VPS53: variants seen among roughly 807,000 people sequenced by gnomAD.
The protein encoded by VPS53 is VPS53 subunit of GARP complex.
A neutral mutation model predicts 107.0 loss-of-function variants in VPS53; 70 were observed. That is an observed-to-expected ratio of 0.65 (90% CI 0.54 to 0.80). The LOEUF is 0.80. Ranked by LOEUF, VPS53 falls within the 30% of genes least tolerant of loss-of-function variation. VPS53 has a pLI of 0.00. For missense variants in VPS53, 917 were observed against 1,049.4 expected, an observed-to-expected ratio of 0.87 and a Z score of 1.74; for synonymous variants, 409 against 393.3, an observed-to-expected ratio of 1.04 and a Z score of -0.47.
At chr17:618,307 C>T (rs1226291862) in intron 11 of VPS53, among the ~76,000 whole-genome samples, 2 of 93,894 alleles carry the variant, frequency 2.1e-5, no homozygotes, top group Non-Finnish European at 5.0e-5. Context: ...TGCGCCACCA[C>T]GCCCCACTAA....
chr17:662,834 A>AAAGGAAGGAAGGAAGGAAGG lies in VPS53; in HGVS notation c.286-959_286-940dup, dbSNP rs796580340. Among the ~76,000 whole-genome samples, 127 of 121,158 alleles carry AAAGGAAGGAAGGAAGGAAGG rather than the reference A, an allele frequency of 1.0e-3. 2 individuals are homozygous for AAAGGAAGGAAGGAAGGAAGG. In the East Asian group the frequency reaches 0.017, roughly 16 times the overall value. 79.5% of individuals were successfully genotyped at this position (121,158 alleles called of 152,430 possible). ...AAAAGAAAGAAAGAGAAAGAGAAAG[A>AAAGGAAGGAAGGAAGGAAGG]AAGGAAGGAAGGAAGGAAGGAAGGA... On this transcript the variant is annotated intron_variant, in intron 4 of 21. Coordinates refer to ENST00000437048, the MANE Select transcript of VPS53 (RefSeq NM_001128159.3).
chr17:606,259 T>G (rs1968573623), intron 11 of VPS53, among the ~76,000 whole-genome samples: 1 of 152,082 alleles, frequency 6.6e-6, no homozygotes, highest in Admixed American at 6.5e-5. Flanking sequence ...ATGTTGCCCT[T>G]AACTGAGATG....
intron 11 of VPS53, among the ~76,000 whole-genome samples, chr17:620,545 T>C (rs1409228960): frequency 6.6e-6 from 1 of 152,170 alleles, no homozygotes. Flanking sequence ...AAGTTTCAAA[T>C]GAGCACAGCG....
chr17:562,502 C>T lies in VPS53; in HGVS notation c.1556+1G>A. Reference sequence around the variant, plus strand: ...CTCAGACTATGAAGAACAGGACTCACTTGGGCAGGTTGCCAGAGAGGATTT... The same window carrying T: ...CTCAGACTATGAAGAACAGGACTCATTTGGGCAGGTTGCCAGAGAGGATTT... On this transcript the variant is annotated splice_donor_variant, in intron 14 of 21. Coordinates refer to ENST00000437048, the MANE Select transcript of VPS53 (RefSeq NM_001128159.3). LOFTEE classifies it high-confidence loss of function. 2 of 1,614,034 alleles carry T rather than the reference C, an allele frequency of 1.2e-6. No homozygotes were observed. The highest frequency in any genetic ancestry group is 1.7e-6 in the Non-Finnish European group (2 of 1,180,010).
chr17:600,147 C>A (rs907720600), intron 12 of VPS53: 8 of 152,320 alleles, frequency 5.3e-5, no homozygotes, highest in African/African-American at 1.9e-4. Context: ...TTTTACCTGG[C>A]AAAACTGATT....
At chr17:707,861 G>A (rs866443631) in intron 2 of VPS53, among the ~76,000 whole-genome samples, 3 of 138,162 alleles carry the variant, frequency 2.2e-5, no homozygotes, top group Admixed American at 7.2e-5. Flanking sequence ...AAAAAAAAAA[G>A]GAAGAAAGAA....
At chr17:677,148 C>A (rs1972199337) in intron 4 of VPS53, among the ~76,000 whole-genome samples, 1 of 152,100 alleles carries the variant, frequency 6.6e-6, no homozygotes, top group South Asian at 2.1e-4. Context: ...TATTTGTATG[C>A]CAATATTCAT....
intron 13 of VPS53, among the ~76,000 whole-genome samples, chr17:573,526 G>T (rs1914351892): frequency 6.6e-6 from 1 of 152,116 alleles, no homozygotes; most frequent in Admixed American, 6.6e-5. Flanking sequence ...AGAGAAATCT[G>T]GCCACACTGA....
At chr17:574,289 G>C (rs1597324809) in intron 13 of VPS53, among the ~76,000 whole-genome samples, 1 of 152,154 alleles carries the variant, frequency 6.6e-6, no homozygotes, top group South Asian at 2.1e-4. Context: ...GGAAAATGGA[G>C]AGTCCCCAAG....
chr17:560,462 C>T lies in VPS53; in HGVS notation c.1668G>A (p.Leu556=). Residue 556 remains leucine, a synonymous_variant, in exon 15 of 22, where the codon CTG becomes CTA. Transcript: ENST00000437048. Reference sequence around the variant, plus strand: ...TGGCCAGACAGTACTCTGCCGTGCTCAGGATGTTACAGATGAGGCAGAGCT... The same window carrying T: ...TGGCCAGACAGTACTCTGCCGTGCTTAGGATGTTACAGATGAGGCAGAGCT... ...LEELCLICNI[L]STAEYCLATT... is the part of the protein sequence containing the mutation. 1 of 1,612,760 alleles carries T rather than the reference C, an allele frequency of 6.2e-7. No individual in the cohort carries two copies.
intron 7 of VPS53, among the ~76,000 whole-genome samples, chr17:644,240 A>G (rs1449892443): frequency 6.6e-6 from 1 of 152,238 alleles, no homozygotes; most frequent in Non-Finnish European, 1.5e-5. Flanking sequence ...AAGGCTCATG[A>G]ACTTCCTATT....
chr17:708,265 G>A (rs889008173), intron 2 of VPS53, among the ~76,000 whole-genome samples: 4 of 152,196 alleles, frequency 2.6e-5, no homozygotes, highest in African/African-American at 9.7e-5. Flanking sequence ...GGTAAGGAGT[G>A]TGGGTCATCT....
chr17:673,264 C>T (rs1460478468), intron 4 of VPS53, among the ~76,000 whole-genome samples: 2 of 152,158 alleles, frequency 1.3e-5, no homozygotes, highest in African/African-American at 4.8e-5. Context: ...AGGGTGGACA[C>T]CAAGGGTCAA....
At chr17:587,222 C>A (rs954268516) in intron 12 of VPS53, among the ~76,000 whole-genome samples, 1 of 152,088 alleles carries the variant, frequency 6.6e-6, no homozygotes, top group Non-Finnish European at 1.5e-5. Flanking sequence ...GCCACCACAC[C>A]GAGCTAATTT....
intron 13 of VPS53, among the ~76,000 whole-genome samples, chr17:575,833 G>A (rs1378305715): frequency 1.4e-5 from 2 of 141,834 alleles, no homozygotes; most frequent in South Asian, 2.3e-4. Flanking sequence ...TGCGTTCCTA[G>A]AAAACTCTCA....
At chr17:667,690 A>G (rs1216004690) in intron 4 of VPS53, among the ~76,000 whole-genome samples, 1 of 146,986 alleles carries the variant, frequency 6.8e-6, no homozygotes, top group Non-Finnish European at 1.5e-5. Flanking sequence ...ACAGAAGAGG[A>G]CTTTTTTAAA....
intron 8 of VPS53, among the ~76,000 whole-genome samples, chr17:629,873 G>A (rs1021724930): frequency 6.7e-5 from 10 of 150,122 alleles, no homozygotes; most frequent in Non-Finnish European, 1.3e-4. Flanking sequence ...AGAAAAGGGA[G>A]GCATGTTGTT....
chr17:550,982 T>G (rs1019590548), intron 17 of VPS53, among the ~76,000 whole-genome samples: 1 of 152,174 alleles, frequency 6.6e-6, no homozygotes, highest in Admixed American at 6.5e-5. Flanking sequence ...CAGAAGTTAC[T>G]ACTTTAAGCA....
intron 7 of VPS53, among the ~76,000 whole-genome samples, chr17:638,508 C>T (rs141472606): frequency 1.3e-3 from 193 of 152,318 alleles, no homozygotes; most frequent in African/African-American, 4.5e-3. Context: ...TTCTTCCTAG[C>T]ATGGATGGTC....
Sources: allele counts gnomAD v4.1 joint callset (sites outside exome capture counted in the v4.1 genomes callset), GRCh38; gene constraint gnomAD v4.1.1; transcripts MANE v1.5; gene names NCBI Gene and HGNC (gene_info 2026-07-23, HGNC 2026-07-21).